The following SLC12A1 variants were observed in gnomAD, a reference collection of about 807,000 sequenced individuals.
The protein encoded by SLC12A1 is solute carrier family 12 member 1.
SLC12A1 carries 89 observed loss-of-function variants against 130.4 expected under a neutral mutation model. That is an observed-to-expected ratio of 0.68 (90% confidence interval 0.58 to 0.81). SLC12A1 has a LOEUF of 0.81. Ranked by LOEUF, SLC12A1 falls within the 40% of genes least tolerant of loss-of-function variation. The pLI is 0.00. For synonymous variants in SLC12A1, 499 were observed against 460.0 expected, an observed-to-expected ratio of 1.08 and a Z score of -1.09; for missense variants, 1,310 against 1,336.4, an observed-to-expected ratio of 0.98 and a Z score of 0.31.
intron 19 of SLC12A1, among the ~76,000 whole-genome samples, 199 bp downstream of exon 19, chr15:48,269,963 G>A (rs1485885581): frequency 1.3e-5 from 2 of 152,148 alleles, no homozygotes; most frequent in African/African-American, 4.8e-5. Flanking sequence ...TGTCAGAGGA[G>A]GCAGGGTGAG....
intron 24 of SLC12A1, among the ~76,000 whole-genome samples, chr15:48,296,608 G>A (rs182810801): frequency 6.6e-6 from 1 of 152,130 alleles, no homozygotes; most frequent in African/African-American, 2.4e-5. Context: ...GGACTTAGGG[G>A]GAAAATATTA....
intron 11 of SLC12A1, 87 bp from the exon 12 acceptor site, chr15:48,246,822 G>A: frequency 1.2e-6 from 1 of 863,182 alleles, no homozygotes. Flanking sequence ...AATGAAGCAG[G>A]GGGAAAAAAT....
At chr15:48,223,344 C>G (rs2041240890) in intron 4 of SLC12A1, 1 of 152,160 alleles carries the variant, frequency 6.6e-6, no homozygotes, top group Admixed American at 6.6e-5. Flanking sequence ...GCACCCCAGG[C>G]ATTTCCTGAA....
At chr15:48,212,065 C>A (rs2041058087) in intron 2 of SLC12A1, among the ~76,000 whole-genome samples, 1 of 152,054 alleles carries the variant, frequency 6.6e-6, no homozygotes, top group Admixed American at 6.6e-5. Flanking sequence ...TTGCAAGATG[C>A]TTGTGAACAT....
chr15:48,222,335 C>G (rs2041227069), intron 4 of SLC12A1: 1 of 152,110 alleles, frequency 6.6e-6, no homozygotes. Context: ...GGGCAATAAT[C>G]TGAACTTTAA....
chr15:48,241,747 G>A, intron 10 of SLC12A1, 148 bp downstream of exon 10: 2 of 653,754 alleles, frequency 3.1e-6, no homozygotes, highest in South Asian at 3.6e-5. Context: ...TGTTAATGAT[G>A]TGGATACTTT....
Position 48,244,698 on chromosome 15 carries a change from A to G in SLC12A1, c.1301-55A>G, listed in dbSNP as rs922935305. 4 of 1,585,814 alleles carry G rather than the reference A, an allele frequency of 2.5e-6. No homozygotes were observed. In the African/African-American group the frequency reaches 5.4e-5, roughly 21 times the overall value. ...AAGTAAACTACGTTTTCAGTAGAAAACCGTAAGGGACCAGAACTTTATAAA... is the reference window on the plus strand; with the variant it reads ...AAGTAAACTACGTTTTCAGTAGAAAGCCGTAAGGGACCAGAACTTTATAAA... On this transcript the variant is annotated intron_variant, in intron 10 of 26. Transcript: ENST00000380993.
chr15:48,295,447 TGTA>T (rs2042168285), intron 24 of SLC12A1, among the ~76,000 whole-genome samples: 1 of 152,180 alleles, frequency 6.6e-6, no homozygotes, highest in South Asian at 2.1e-4. Context: ...AGGAGGCTGA[TGTA>T]CCTCTTCCAT....
chr15:48,268,542 A>T (rs2041858387), intron 18 of SLC12A1, among the ~76,000 whole-genome samples: 1 of 152,206 alleles, frequency 6.6e-6, no homozygotes, highest in African/African-American at 2.4e-5. Context: ...GAAAGAAAAA[A>T]TATTGGTTAA....
chr15:48,302,957 T>A lies in SLC12A1; in HGVS notation c.*72T>A, dbSNP rs1459870501. On this transcript the variant is annotated 3_prime_UTR_variant, in exon 27 of 27. Coordinates refer to ENST00000380993, the MANE Select transcript of SLC12A1 (RefSeq NM_000338.3). ...AAGAAACATGTTCCAGTACTTTATG[T>A]TGTAAATCTGATCTATGGATATGCA... 3.7e-5 allele frequency: 44 copies of A among 1,198,196 alleles called. No individual in the cohort carries two copies. The highest frequency in any genetic ancestry group is 4.9e-5 in the Non-Finnish European group (41 of 840,456). The allele number at this position is 1,198,196 out of a possible 1,614,324, so 74.2% of individuals were successfully genotyped here.
chr15:48,214,198 A>T (rs972125542), intron 2 of SLC12A1, among the ~76,000 whole-genome samples: 85 of 152,290 alleles, frequency 5.6e-4, no homozygotes, highest in African/African-American at 1.9e-3. Flanking sequence ...TCATTCTGAT[A>T]CTTTAGTTAG....
chr15:48,254,302 G>T (rs1318576167), intron 15 of SLC12A1, among the ~76,000 whole-genome samples: 1 of 151,728 alleles, frequency 6.6e-6, no homozygotes, highest in Non-Finnish European at 1.5e-5. Context: ...TATGATGTGA[G>T]GTATTGTTCA....
intron 17 of SLC12A1, among the ~76,000 whole-genome samples, chr15:48,264,374 C>A (rs1362422258): frequency 1.3e-5 from 2 of 152,124 alleles, no homozygotes; most frequent in East Asian, 1.9e-4. Flanking sequence ...AAGACACCTA[C>A]CTCTTAACTC....
At chr15:48,215,337 T>C (rs550477356) in intron 2 of SLC12A1, among the ~76,000 whole-genome samples, 2 of 152,352 alleles carry the variant, frequency 1.3e-5, no homozygotes, top group South Asian at 4.1e-4. Flanking sequence ...TTCCTTTCTT[T>C]TCATTTTTTA....
intron 14 of SLC12A1, 58 bp from the exon 15 acceptor site, chr15:48,251,557 A>G (rs1190423759): frequency 7.3e-7 from 1 of 1,362,904 alleles, no homozygotes; most frequent in Non-Finnish European, 1.1e-6. Context: ...TTCTTCTAAT[A>G]TTCAGTGCCA....
chr15:48,300,256 A>T (rs1566862002), intron 25 of SLC12A1, among the ~76,000 whole-genome samples: 1 of 151,922 alleles, frequency 6.6e-6, no homozygotes, highest in Non-Finnish European at 1.5e-5. Flanking sequence ...ACTTGAGCCC[A>T]GGGGGCAGAG....
chr15:48,207,744 G>A lies in SLC12A1; in HGVS notation c.25G>A (p.Val9Ile), dbSNP rs1352768200. 6.1e-5 allele frequency: 97 copies of A among 1,591,980 alleles called. No individual in the cohort carries two copies. Among genetic ancestry groups the A allele is most frequent in the Non-Finnish European group, 8.0e-5 (93 of 1,168,904 alleles). Residue 9 changes from valine to isoleucine, a missense_variant, in exon 2 of 27, where the codon GTA becomes ATA. Val to Ile is a conservative substitution (Grantham distance 29). Transcript: ENST00000380993. ...GATGTCACTGAACAACTCTTCCAAT[G>A]TATTTCTGGATTCAGTGCCCAGTAA... MSLNNSSNVFLDSVPSNTN... is the reference protein window; with the variant it reads MSLNNSSNIFLDSVPSNTN...
At chr15:48,281,465 A>T (rs1473352302) in intron 20 of SLC12A1, among the ~76,000 whole-genome samples, 2 of 152,214 alleles carry the variant, frequency 1.3e-5, no homozygotes, top group Non-Finnish European at 2.9e-5. Context: ...TGATTGAGAA[A>T]TTTGGGGATG....
intron 17 of SLC12A1, among the ~76,000 whole-genome samples, chr15:48,261,470 A>G (rs2041774361): frequency 1.3e-5 from 2 of 152,198 alleles, no homozygotes; most frequent in Admixed American, 6.5e-5. Context: ...GCAGGGCCCA[A>G]GAGTCCTGCT....
Sources: gnomAD v4.1 joint callset for allele counts (sites outside exome capture counted in the v4.1 genomes callset) on GRCh38, gnomAD v4.1.1 for gene constraint, MANE v1.5 for transcripts, NCBI Gene and HGNC (gene_info 2026-07-23, HGNC 2026-07-21) for gene names.